The following CBLN2 variants were observed in gnomAD, a reference collection of about 807,000 sequenced individuals.
CBLN2 encodes cerebellin 2 precursor, also known as cerebellin-2.
Under a neutral mutation model 15.0 loss-of-function variants are expected in CBLN2, and 7 were observed. The observed-to-expected ratio is 0.47, with a 90% CI of 0.27 to 0.88. CBLN2 has a LOEUF of 0.88. Among genes scored for constraint, CBLN2 ranks in the 40% least tolerant of loss-of-function variants. The pLI, the probability that CBLN2 is intolerant of heterozygous loss-of-function variation, is 0.14. For missense variants in CBLN2, 242 were observed against 304.5 expected (o/e 0.79, Z 1.53); for synonymous variants, 149 against 135.2 (o/e 1.10, Z -0.71).
intron 1 of CBLN2, among the ~76,000 whole-genome samples, chr18:72,581,733 AT>A (rs1488723861): frequency 6.6e-6 from 1 of 152,096 alleles, no homozygotes; most frequent in African/African-American, 2.4e-5. Flanking sequence ...ATTTAATGCC[AT>A]TTTGTTTGTA....
intron 1 of CBLN2, among the ~76,000 whole-genome samples, chr18:72,555,666 A>G (rs1263565571): frequency 2.0e-5 from 3 of 152,218 alleles, no homozygotes; most frequent in African/African-American, 7.2e-5. Context: ...GAAATTAATC[A>G]GTAACAACTT....
intron 1 of CBLN2, among the ~76,000 whole-genome samples, chr18:72,612,588 T>TA (rs1181087711): frequency 3.9e-5 from 6 of 152,108 alleles, no homozygotes; most frequent in African/African-American, 1.2e-4. Flanking sequence ...CTTCCTCTAA[T>TA]AAAAAACATT....
intron 1 of CBLN2, chr18:72,620,106 A>C (rs909625475): frequency 6.6e-6 from 1 of 152,360 alleles, no homozygotes; most frequent in African/African-American, 2.4e-5. Context: ...TTCAACTCTG[A>C]AGCCCCAGAG....
intron 1 of CBLN2, among the ~76,000 whole-genome samples, chr18:72,623,317 G>A (rs1290450962): frequency 1.3e-5 from 2 of 152,032 alleles, no homozygotes; most frequent in African/African-American, 4.8e-5. Context: ...CCCTCCCTGT[G>A]GAAAAAGGAG....
At chr18:72,555,914 G>A (rs1025330588) in intron 1 of CBLN2, among the ~76,000 whole-genome samples, 1 of 152,110 alleles carries the variant, frequency 6.6e-6, no homozygotes, top group Non-Finnish European at 1.5e-5. Context: ...GAGCAGGATG[G>A]CTTCAGGTGA....
chr18:72,553,186 C>T (rs917470525), intron 1 of CBLN2, among the ~76,000 whole-genome samples: 2 of 152,140 alleles, frequency 1.3e-5, no homozygotes, highest in African/African-American at 4.8e-5. Flanking sequence ...TCTCCCTGGG[C>T]TTCACTACTC....
chr18:72,554,860 G>A (rs1341166870), intron 1 of CBLN2, among the ~76,000 whole-genome samples: 2 of 152,162 alleles, frequency 1.3e-5, no homozygotes, highest in African/African-American at 4.8e-5. Flanking sequence ...TAGTGGCCTG[G>A]TGCGGTGGCT....
At chr18:72,633,697 C>T (rs1048644558) in intron 1 of CBLN2, among the ~76,000 whole-genome samples, 8 of 152,130 alleles carry the variant, frequency 5.3e-5, no homozygotes, top group African/African-American at 1.7e-4. Flanking sequence ...GTTGATTCAG[C>T]TTTCACAGAA....
intron 1 of CBLN2, among the ~76,000 whole-genome samples, chr18:72,613,574 A>C (rs1249662832): frequency 1.3e-5 from 2 of 152,020 alleles, no homozygotes; most frequent in Non-Finnish European, 2.9e-5. Flanking sequence ...AAGCTTTGCT[A>C]TTTGCAATAA....
chr18:72,547,104 A>C (rs2069163060), upstream of CBLN2, among the ~76,000 whole-genome samples: 1 of 100,542 alleles, frequency 9.9e-6, no homozygotes, highest in Non-Finnish European at 2.0e-5. Flanking sequence ...TTTGATAAAG[A>C]AAGTGTCACA....
exon 1 of CBLN2, chr18:72,638,469 C>G (rs552531055): frequency 1.3e-5 from 5 of 396,722 alleles, no homozygotes; most frequent in African/African-American, 1.0e-4. Context: ...GTTATCCTCA[C>G]TGACGGACGC....
intron 1 of CBLN2, among the ~76,000 whole-genome samples, chr18:72,587,823 T>G (rs17086200): frequency 0.057 from 8,661 of 152,300 alleles, 251 homozygotes; most frequent in East Asian, 0.095. Flanking sequence ...CTTCTACTTC[T>G]GTATTATATC....
intron 1 of CBLN2, among the ~76,000 whole-genome samples, chr18:72,597,266 A>T (rs1176880285): frequency 6.6e-6 from 1 of 152,234 alleles, no homozygotes; most frequent in East Asian, 1.9e-4. Flanking sequence ...CTCCAAACAC[A>T]GTAAAGCTGT....
At chr18:72,605,780 A>C (rs1045236825) in intron 1 of CBLN2, among the ~76,000 whole-genome samples, 3 of 152,246 alleles carry the variant, frequency 2.0e-5, no homozygotes, top group Non-Finnish European at 4.4e-5. Context: ...ATAAAAAAAC[A>C]AAGTCAACTT....
chr18:72,554,873 T>A (rs1389961470), intron 1 of CBLN2, among the ~76,000 whole-genome samples: 1 of 152,164 alleles, frequency 6.6e-6, no homozygotes, highest in East Asian at 1.9e-4. Flanking sequence ...CGGTGGCTTA[T>A]GCCTGTAATC....
intron 1 of CBLN2, among the ~76,000 whole-genome samples, chr18:72,624,473 C>G (rs559959393): frequency 6.6e-6 from 1 of 152,200 alleles, no homozygotes; most frequent in East Asian, 1.9e-4. Flanking sequence ...AACCCCATCT[C>G]TACTAAAAAT....
intron 1 of CBLN2, among the ~76,000 whole-genome samples, chr18:72,575,316 T>G (rs1409045171): frequency 2.6e-5 from 4 of 151,990 alleles, no homozygotes; most frequent in African/African-American, 9.7e-5. Context: ...TTAAATACCT[T>G]GAGGATAGGG....
At chr18:72,587,071 T>TA in intron 1 of CBLN2, among the ~76,000 whole-genome samples, 1 of 151,910 alleles carries the variant, frequency 6.6e-6, no homozygotes, top group Non-Finnish European at 1.5e-5. Flanking sequence ...TAATAATATA[T>TA]AAAAAATATA....
chr18:72,624,700 CATA>C (rs977724179), intron 1 of CBLN2, among the ~76,000 whole-genome samples: 2 of 152,140 alleles, frequency 1.3e-5, no homozygotes, highest in Non-Finnish European at 2.9e-5. Context: ...TGGTACATCA[CATA>C]ATAATTAAAA....
Sources: allele counts gnomAD v4.1 joint callset (sites outside exome capture counted in the v4.1 genomes callset), GRCh38; gene constraint gnomAD v4.1.1; transcripts MANE v1.5; gene names NCBI Gene and HGNC (gene_info 2026-07-23, HGNC 2026-07-21).